Variants in WDR41 observed in about 807,000 individuals in gnomAD.
The protein encoded by WDR41 is WD repeat-containing protein 41.
WDR41 carries 63 observed loss-of-function variants against 69.3 expected under a neutral mutation model. That is an observed-to-expected ratio of 0.91 (90% CI 0.74 to 1.12). The LOEUF is 1.12. Among genes scored for constraint, WDR41 ranks in the 50% most tolerant of loss-of-function variants. The pLI is 0.00. For synonymous variants in WDR41, 185 were observed against 192.1 expected (o/e 0.96, Z 0.31); for missense variants, 543 against 534.5 (o/e 1.02, Z -0.16).
At chr5:77,613,308 T>C (rs1409383745) in intron 1 of WDR41, among the ~76,000 whole-genome samples, 7 of 152,224 alleles carry the variant, frequency 4.6e-5, no homozygotes, top group Non-Finnish European at 7.4e-5. Flanking sequence ...AAAGTTCATA[T>C]GGAACCAAAA....
chr5:77,509,524 G>T (rs750596272), intron 1 of WDR41, among the ~76,000 whole-genome samples: 1 of 152,098 alleles, frequency 6.6e-6, no homozygotes, highest in African/African-American at 2.4e-5. Context: ...CCATAAAAAG[G>T]AATACAGTAC....
At chr5:77,546,201 C>T in intron 1 of WDR41, 1 of 418,146 alleles carries the variant, frequency 2.4e-6, no homozygotes. Context: ...CACTGACCAC[C>T]TCGTCAAGAC....
chr5:77,435,740 G>A (rs888213665), intron 12 of WDR41, among the ~76,000 whole-genome samples: 4 of 152,162 alleles, frequency 2.6e-5, no homozygotes, highest in African/African-American at 9.7e-5. Flanking sequence ...ATTTCTACAT[G>A]TTAAAAGCTT....
chr5:77,512,331 T>TGAGAGAGAGAGAGAGAGA lies in WDR41; in HGVS notation c.43-22777_43-22760dup, dbSNP rs764631325. ...ATGGTCTGTAATTACATGGGGTGAG[T>TGAGAGAGAGAGAGAGAGA]GAGAGAGAGAGAGAGAGAGAGTGAG... On this transcript the variant is annotated intron_variant, in intron 1 of 5. Transcript: ENST00000509971. 6.1e-3 allele frequency among the ~76,000 whole-genome samples: 532 copies of TGAGAGAGAGAGAGAGAGA among 87,672 alleles called. 10 individuals are homozygous for TGAGAGAGAGAGAGAGAGA. Among genetic ancestry groups the TGAGAGAGAGAGAGAGAGA allele is most frequent in the African/African-American group, 0.02 (383 of 19,190 alleles). 57.5% of individuals were successfully genotyped at this position (87,672 alleles called of 152,430 possible). A position where few individuals can be genotyped will look rare whatever the true frequency, so the allele number is the denominator to read the frequency against.
At chr5:77,563,848 C>T (rs1743568302) in intron 1 of WDR41, among the ~76,000 whole-genome samples, 1 of 152,062 alleles carries the variant, frequency 6.6e-6, no homozygotes, top group Non-Finnish European at 1.5e-5. Flanking sequence ...CAGTAGACTG[C>T]TTTTGATCCC....
At chr5:77,583,349 T>TAA (rs773427037) in intron 1 of WDR41, among the ~76,000 whole-genome samples, 1 of 136,836 alleles carries the variant, frequency 7.3e-6, no homozygotes. Flanking sequence ...ACTCCATCTC[T>TAA]AAAAAAAAAA....
chr5:77,579,044 C>T (rs1174797267), intron 1 of WDR41, among the ~76,000 whole-genome samples: 1 of 151,536 alleles, frequency 6.6e-6, no homozygotes, highest in African/African-American at 2.4e-5. Flanking sequence ...TAGATTTGAA[C>T]TGGCAGACAA....
At chr5:77,463,715 C>T (rs1056084398) in intron 3 of WDR41, among the ~76,000 whole-genome samples, 1 of 152,322 alleles carries the variant, frequency 6.6e-6, no homozygotes, top group East Asian at 1.9e-4. Context: ...TCCACTCCAT[C>T]GTTATTTAAC....
At chr5:77,554,452 C>A (rs1452282783) in intron 1 of WDR41, among the ~76,000 whole-genome samples, 1 of 151,896 alleles carries the variant, frequency 6.6e-6, no homozygotes, top group Non-Finnish European at 1.5e-5. Flanking sequence ...AGAAGAGATC[C>A]CAGAGAGCTA....
intron 4 of WDR41, among the ~76,000 whole-genome samples, chr5:77,462,207 C>T (rs1800098684): frequency 6.6e-6 from 1 of 151,854 alleles, no homozygotes; most frequent in African/African-American, 2.4e-5. Flanking sequence ...GTCAGGAGTT[C>T]GAGACCAGCC....
intron 8 of WDR41, among the ~76,000 whole-genome samples, chr5:77,442,827 G>A (rs1799219174): frequency 7.3e-6 from 1 of 136,206 alleles, no homozygotes; most frequent in African/African-American, 2.8e-5. Context: ...GGGAGGCGGA[G>A]CTTGCAGTAA....
chr5:77,463,217 T>C lies in WDR41; in HGVS notation c.226A>G (p.Lys76Glu). Residue 76 changes from lysine (K) to glutamate (E), a missense_variant, in exon 4 of 13, where the codon AAA (lysine) becomes GAA (glutamate). Lys to Glu is a moderately conservative substitution (Grantham distance 56, BLOSUM62 1). Coordinates refer to ENST00000296679, the MANE Select transcript of WDR41 (RefSeq NM_018268.4). ...VVVWNAQTGE[K>E]LLELNGHTQK... is the part of the protein sequence containing the mutation. Reference sequence around the variant, plus strand: ...GTGTGTCCATTCAGTTCTAAAAGTTTTTCCCCTGTCTGAAATACCAATAAA... The same window carrying C: ...GTGTGTCCATTCAGTTCTAAAAGTTCTTCCCCTGTCTGAAATACCAATAAA... 6.2e-7 allele frequency: 1 copy of C among 1,606,388 alleles called. No homozygotes were observed.
At chr5:77,516,604 T>C (rs1802294653) in intron 1 of WDR41, among the ~76,000 whole-genome samples, 1 of 152,118 alleles carries the variant, frequency 6.6e-6, no homozygotes, top group Non-Finnish European at 1.5e-5. Flanking sequence ...GGTTTTTCCA[T>C]GTAGCTTTAC....
chr5:77,522,240 A>G lies in WDR41; in HGVS notation c.43-32668T>C, dbSNP rs141280298. On this transcript the variant is annotated intron_variant, in intron 1 of 5. Transcript: ENST00000509971. ...TCCAGAAGTAAGAGCTATGGAGTTG[A>G]GGAAAACAAGACTGAAAATGGAAAC... Among the ~76,000 whole-genome samples, 721 of 152,354 alleles carry G rather than the reference A, an allele frequency of 4.7e-3. 1 individual carries two copies. The highest frequency in any genetic ancestry group is 0.017 in the African/African-American group (695 of 41,578).
intron 1 of WDR41, among the ~76,000 whole-genome samples, chr5:77,505,027 C>A (rs1325616519): frequency 1.3e-5 from 2 of 152,084 alleles, no homozygotes; most frequent in Non-Finnish European, 2.9e-5. Flanking sequence ...CTGGCCAGGG[C>A]AATCAGGCAA....
intron 1 of WDR41, among the ~76,000 whole-genome samples, chr5:77,587,914 C>A (rs941841544): frequency 1.3e-5 from 2 of 152,166 alleles, no homozygotes; most frequent in African/African-American, 4.8e-5. Flanking sequence ...AGGAGAAAGG[C>A]TTCAGAGGAA....
chr5:77,552,860 C>A (rs912996741), intron 1 of WDR41, among the ~76,000 whole-genome samples: 3 of 152,174 alleles, frequency 2.0e-5, no homozygotes, highest in Non-Finnish European at 2.9e-5. Flanking sequence ...AACCCTAGAT[C>A]TAAATTTCAT....
At chr5:77,502,457 AT>A (rs1196577091) in intron 1 of WDR41, among the ~76,000 whole-genome samples, 13 of 152,300 alleles carry the variant, frequency 8.5e-5, no homozygotes, top group Non-Finnish European at 1.9e-4. Context: ...TCAGGATATT[AT>A]CCAGGAGAAC....
At chr5:77,584,338 T>G (rs1743998857) in intron 1 of WDR41, among the ~76,000 whole-genome samples, 1 of 152,100 alleles carries the variant, frequency 6.6e-6, no homozygotes, top group South Asian at 2.1e-4. Context: ...ATGTAGGAAA[T>G]CCTAAGGGAT....
Sources: gnomAD v4.1 joint callset for allele counts (sites outside exome capture counted in the v4.1 genomes callset) on GRCh38, gnomAD v4.1.1 for gene constraint, MANE v1.5 for transcripts, NCBI Gene and HGNC (gene_info 2026-07-23, HGNC 2026-07-21) for gene names.